Variants in TPST2 observed in about 807,000 individuals in gnomAD.
The protein encoded by TPST2 is protein-tyrosine sulfotransferase 2.
Under a neutral mutation model 27.8 loss-of-function variants are expected in TPST2, and 16 were observed. That is an observed-to-expected ratio of 0.58 (90% CI 0.39 to 0.88). TPST2 has a LOEUF of 0.88. Among genes scored for constraint, TPST2 ranks in the 40% least tolerant of loss-of-function variants. TPST2 has a pLI of 0.00. For missense variants in TPST2, 464 were observed against 543.1 expected (o/e 0.85, Z 1.45); for synonymous variants, 229 against 231.7 (o/e 0.99, Z 0.10).
At chr22:26,533,065 AG>A (rs1364361180) in intron 4 of TPST2, among the ~76,000 whole-genome samples, 1 of 152,174 alleles carries the variant, frequency 6.6e-6, no homozygotes, top group East Asian at 1.9e-4. Context: ...AAAAAAGTAC[AG>A]TAAAGAGGTG....
chr22:26,522,505 T>G lies in TPST2; in HGVS notation c.*3770A>C, dbSNP rs1924604940. On this transcript the variant is annotated 3_prime_UTR_variant, in exon 7 of 7. Transcript: ENST00000338754. The stretch of plus-strand genomic sequence containing the variant: ...TCTGATTTCACAGTGAGATTAAAAT[T>G]CTGCCCAAATCAGGGTACATGGGTG... 6.6e-6 allele frequency: 1 copy of G among 152,148 alleles called. No homozygotes were observed. The highest frequency in any genetic ancestry group is 2.4e-5 in the African/African-American group (1 of 41,436). The allele number at this position is 152,148 out of a possible 1,614,324, so 9.4% of individuals were successfully genotyped here.
intron 1 of TPST2, among the ~76,000 whole-genome samples, chr22:26,564,506 G>A (rs2283836): frequency 0.22 from 33,822 of 151,932 alleles, 4,081 homozygotes; most frequent in South Asian, 0.35. Flanking sequence ...AGTGCTCCAG[G>A]GCCAAGAAGC....
At chr22:26,588,260 T>C (rs1400223599) in intron 1 of TPST2, among the ~76,000 whole-genome samples, 1 of 150,240 alleles carries the variant, frequency 6.7e-6, no homozygotes, top group African/African-American at 2.4e-5. Flanking sequence ...CTTAGAAACA[T>C]TCTCTGAAGT....
intron 1 of TPST2, among the ~76,000 whole-genome samples, chr22:26,565,931 G>C (rs961662643): frequency 6.6e-6 from 1 of 152,056 alleles, no homozygotes; most frequent in Non-Finnish European, 1.5e-5. Context: ...AAAATTGATA[G>C]TTGAACAAAG....
intron 1 of TPST2, among the ~76,000 whole-genome samples, chr22:26,577,178 T>A (rs1927877690): frequency 6.9e-6 from 1 of 145,292 alleles, no homozygotes; most frequent in Admixed American, 7.0e-5. Context: ...GAGGGTGAGA[T>A]CACTTGAGCC....
intron 1 of TPST2, among the ~76,000 whole-genome samples, chr22:26,580,136 C>T (rs574094848): frequency 6.6e-6 from 1 of 151,508 alleles, no homozygotes; most frequent in Non-Finnish European, 1.5e-5. Context: ...CCCAGCTACT[C>T]GAGAGGCTGA....
intron 1 of TPST2, among the ~76,000 whole-genome samples, chr22:26,563,091 A>G (rs1186409450): frequency 6.6e-6 from 1 of 152,168 alleles, no homozygotes; most frequent in Non-Finnish European, 1.5e-5. Flanking sequence ...TGGATTCTAC[A>G]TAGCCTCCTG....
intron 1 of TPST2, among the ~76,000 whole-genome samples, chr22:26,561,845 T>C (rs778080172): frequency 2.8e-4 from 42 of 152,176 alleles, no homozygotes; most frequent in Non-Finnish European, 4.4e-4. Flanking sequence ...AGCATGACTT[T>C]GAAGCTGCAT....
intron 1 of TPST2, among the ~76,000 whole-genome samples, chr22:26,582,376 G>C (rs2267099): frequency 0.33 from 50,683 of 152,004 alleles, 8,951 homozygotes; most frequent in Admixed American, 0.43. Flanking sequence ...GCAGTGAGCC[G>C]AGGTTGTACC....
intron 1 of TPST2, among the ~76,000 whole-genome samples, chr22:26,561,492 G>A (rs1489024719): frequency 6.6e-6 from 1 of 152,104 alleles, no homozygotes; most frequent in Non-Finnish European, 1.5e-5. Context: ...AGTTGTCTCT[G>A]ATGCAGCTTA....
At chr22:26,578,853 CTTT>C (rs869169533) in intron 1 of TPST2, among the ~76,000 whole-genome samples, 6 of 138,884 alleles carry the variant, frequency 4.3e-5, no homozygotes, top group South Asian at 2.3e-4. Context: ...TTCTTTCTTT[CTTT>C]TTTTTTTTTT....
chr22:26,530,948 G>A (rs139275232), intron 5 of TPST2, among the ~76,000 whole-genome samples: 1 of 152,242 alleles, frequency 6.6e-6, no homozygotes, highest in African/African-American at 2.4e-5. Context: ...GGCAGAAGCC[G>A]CAGTGAGCCG....
Position 26,541,856 on chromosome 22 carries a change from T to G in TPST2, c.-88-138A>C. The G allele has an allele frequency of 1.2e-6, 1 of 856,976 alleles. No homozygotes were observed. The highest frequency in any genetic ancestry group is 1.7e-6 in the Non-Finnish European group (1 of 598,202). 53.1% of individuals were successfully genotyped at this position (856,976 alleles called of 1,614,324 possible). On this transcript the variant is annotated intron_variant, in intron 2 of 6. Coordinates refer to ENST00000338754, the MANE Select transcript of TPST2 (RefSeq NM_003595.5). The surrounding 1 kb of genome is among the most constrained non-coding windows in gnomAD (Gnocchi z 5.9). ...GCACCTTTCATAAGCACTAGCTGTG[T>G]GCCTGGCACCCTGCTGGGCACTTTT...
At chr22:26,585,178 C>A (rs879387674) in intron 1 of TPST2, among the ~76,000 whole-genome samples, 83 of 152,338 alleles carry the variant, frequency 5.4e-4, no homozygotes, top group Non-Finnish European at 4.6e-4. Context: ...CCCTATCACA[C>A]TGCCTGCTTT....
intron 1 of TPST2, among the ~76,000 whole-genome samples, chr22:26,551,672 G>A (rs1926476205): frequency 6.6e-6 from 1 of 152,028 alleles, no homozygotes. Flanking sequence ...GGGGACTGAT[G>A]AGGCTGGGGG....
chr22:26,563,241 C>T (rs576813963), intron 1 of TPST2, among the ~76,000 whole-genome samples: 56 of 152,224 alleles, frequency 3.7e-4, no homozygotes, highest in Admixed American at 7.2e-4. Flanking sequence ...AAGACAAAGC[C>T]CCAGCCTCCA....
intron 3 of TPST2, among the ~76,000 whole-genome samples, chr22:26,538,754 C>T (rs4149471): frequency 0.12 from 18,867 of 151,910 alleles, 1,294 homozygotes; most frequent in Non-Finnish European, 0.15. Context: ...ACCCGGGAGG[C>T]GGAGGTTGCA....
At chr22:26,531,188 A>G (rs1423071116) in intron 5 of TPST2, among the ~76,000 whole-genome samples, 1 of 152,114 alleles carries the variant, frequency 6.6e-6, no homozygotes, top group African/African-American at 2.4e-5. Flanking sequence ...AAGTTTTGTC[A>G]AGCCTCTATT....
Position 26,541,422 on chromosome 22 carries a change from A to C in TPST2, c.209T>G (p.Leu70Arg). Reference protein sequence around the residue: ...VEYRYGKAMPLIFVGGVPRSG... With the variant: ...VEYRYGKAMPRIFVGGVPRSG... ...GCGAGGCACGCCACCCACGAAGATG[A>C]GCGGCATGGCCTTGCCATAGCGGTA... Residue 70 changes from leucine to arginine, a missense_variant, in exon 3 of 7, where the codon CTC (leucine) becomes CGC (arginine). Coordinates refer to ENST00000338754, the MANE Select transcript of TPST2 (RefSeq NM_003595.5). This position sits in a 1 kb window ranked among gnomAD's most constrained non-coding sequence, Gnocchi z 5.9. The C allele has an allele frequency of 6.3e-7, 1 of 1,575,184 alleles. No individual in the cohort carries two copies. The highest frequency in any genetic ancestry group is 8.6e-7 in the Non-Finnish European group (1 of 1,159,946).
Sources: allele counts gnomAD v4.1 joint callset (sites outside exome capture counted in the v4.1 genomes callset), GRCh38; gene constraint gnomAD v4.1.1; non-coding constraint Gnocchi (gnomAD v3.1); transcripts MANE v1.5; gene names NCBI Gene and HGNC (gene_info 2026-07-23, HGNC 2026-07-21).